Variants in SEZ6L2 observed in about 807,000 individuals in gnomAD.
The protein encoded by SEZ6L2 is seizure 6-like protein 2.
SEZ6L2 carries 44 observed loss-of-function variants against 97.0 expected under a neutral mutation model. The observed-to-expected ratio is 0.45, with a 90% confidence interval of 0.36 to 0.58. The LOEUF is 0.58. Among genes scored for constraint, SEZ6L2 ranks in the 20% least tolerant of loss-of-function variants. The probability of loss-of-function intolerance (pLI) is 0.00; values close to 1 mark genes in which losing one functional copy is unlikely to be tolerated. For missense variants in SEZ6L2, 1,086 were observed against 1,233.3 expected (o/e 0.88, Z 1.79); for synonymous variants, 543 against 546.1 (o/e 0.99, Z 0.08).
chr16:29,884,137 G>T (rs1474238630), intron 8 of SEZ6L2, among the ~76,000 whole-genome samples: 1 of 151,962 alleles, frequency 6.6e-6, no homozygotes, highest in African/African-American at 2.4e-5. Context: ...GGAAGGCCAC[G>T]TGAGGCAGAT....
chr16:29,878,298 G>C lies in SEZ6L2; in HGVS notation c.1701C>G (p.Leu567=). ...GGACCCAAACATACATCTCAACTTG[G>C]AGCAAGATGCGCTTCTCTTCCTGGA... ...VHVQEEKRIL[L]QVEILNVREG... The change falls in exon 10 of 18, where the codon CTC becomes CTG. Residue 567 remains leucine, a synonymous_variant. Transcript: ENST00000617533. The C allele has an allele frequency of 6.3e-7, 1 of 1,589,688 alleles. No individual in the cohort carries two copies. Among genetic ancestry groups the C allele is most frequent in the Non-Finnish European group, 8.6e-7 (1 of 1,166,588 alleles).
chr16:29,878,298 G>A lies in SEZ6L2; in HGVS notation c.1701C>T (p.Leu567=). The A allele has an allele frequency of 6.3e-7, 1 of 1,589,688 alleles. No homozygotes were observed. The highest frequency in any genetic ancestry group is 8.6e-7 in the Non-Finnish European group (1 of 1,166,588). ...VHVQEEKRIL[L]QVEILNVREG... ...GGACCCAAACATACATCTCAACTTG[G>A]AGCAAGATGCGCTTCTCTTCCTGGA... is the stretch of plus-strand genomic sequence containing the variant. Residue 567 remains leucine (L), a synonymous_variant, in exon 10 of 18, where the codon CTC becomes CTT. Transcript: ENST00000617533.
At position 29,871,222 on chromosome 16, in the gene SEZ6L2, C is replaced by A. The variant is rs73528395; in HGVS notation, c.*477G>T. The A allele has an allele frequency of 2.4e-4, 46 of 193,164 alleles. No homozygotes were observed. Among genetic ancestry groups the A allele is most frequent in the African/African-American group, 1.1e-3 (46 of 43,792 alleles). The allele number at this position is 193,164 out of a possible 1,614,324, so 12.0% of individuals were successfully genotyped here. ...GAATTCAGAAGCAAAGGTGGAGAGA[C>A]TGTGGGTTGGGGAGATGGCAGGAAG... On this transcript the variant is annotated 3_prime_UTR_variant, in exon 18 of 18. Transcript: ENST00000617533.
chr16:29,878,169 A>G (rs1427422605), intron 10 of SEZ6L2, 118 bp downstream of exon 10: 3 of 1,283,268 alleles, frequency 2.3e-6, no homozygotes, highest in African/African-American at 1.5e-5. Flanking sequence ...CAGCCTATCC[A>G]CCGAATTCTG....
intron 5 of SEZ6L2, among the ~76,000 whole-genome samples, chr16:29,893,930 G>A (rs543095065): frequency 1.7e-4 from 26 of 152,294 alleles, no homozygotes; most frequent in African/African-American, 6.3e-4. Context: ...GAGTACAATG[G>A]CGCAATCTCA....
Position 29,876,647 on chromosome 16 carries a change from G to A in SEZ6L2, c.2104+109C>T, listed in dbSNP as rs765960986. 2.9e-4 allele frequency: 295 copies of A among 1,022,118 alleles called. No homozygotes were observed. Among genetic ancestry groups the A allele is most frequent in the Non-Finnish European group, 3.8e-4 (276 of 720,856 alleles). 63.3% of individuals were successfully genotyped at this position (1,022,118 alleles called of 1,614,324 possible). On this transcript the variant is annotated intron_variant, in intron 12 of 17. Transcript: ENST00000617533. The surrounding 1 kb of genome is among the most constrained non-coding windows in gnomAD (Gnocchi z 6.5). Reference sequence around the variant, plus strand: ...TTGAAGAAGATCCAGGAAGGACCCCGAGCGAAGGGATGGAACCCAGAAAGC... The same window carrying A: ...TTGAAGAAGATCCAGGAAGGACCCCAAGCGAAGGGATGGAACCCAGAAAGC...
intron 5 of SEZ6L2, among the ~76,000 whole-genome samples, chr16:29,892,700 G>A (rs540881403): frequency 8.5e-5 from 13 of 152,372 alleles, no homozygotes; most frequent in African/African-American, 3.1e-4. Flanking sequence ...GGCAGAGTGC[G>A]TGACACCAGC....
intron 2 of SEZ6L2, 86 bp from the exon 3 acceptor site, chr16:29,897,207 T>G: frequency 8.4e-7 from 1 of 1,192,790 alleles, no homozygotes; most frequent in Non-Finnish European, 1.1e-6. Flanking sequence ...AGCTAGGGGT[T>G]CCCCTGCCAT....
At chr16:29,889,269 C>T (rs751107554) in intron 5 of SEZ6L2, among the ~76,000 whole-genome samples, 29 of 151,928 alleles carry the variant, frequency 1.9e-4, no homozygotes, top group Non-Finnish European at 3.2e-4. Flanking sequence ...GGTAAAACCC[C>T]GTCTCTAAAA....
At position 29,897,960 on chromosome 16, in the gene SEZ6L2, A is replaced by T; in HGVS notation, c.104T>A (p.Ile35Lys). ...GGTCTCACTTCCAGGCTCTGGCAAT[A>T]TCTCCTCCTCCTTCAGGGGCAGACC... The part of the protein sequence containing the change: ...IQGLPLKEEE[I>K]LPEPGSETPT... Residue 35 changes from isoleucine (I) to lysine (K), a missense_variant, in exon 2 of 18, where the codon ATA (isoleucine) becomes AAA (lysine). Coordinates refer to ENST00000617533, the MANE Select transcript of SEZ6L2 (RefSeq NM_001243332.2). 4 of 1,613,352 alleles carry T rather than the reference A, an allele frequency of 2.5e-6. No homozygotes were observed. Among genetic ancestry groups the T allele is most frequent in the Non-Finnish European group, 3.4e-6 (4 of 1,179,632 alleles).
At chr16:29,877,233 C>T (rs1268751928) in intron 11 of SEZ6L2, 38 bp downstream of exon 11, 10 of 1,504,148 alleles carry the variant, frequency 6.6e-6, no homozygotes, top group African/African-American at 1.4e-5. Flanking sequence ...TCTGGCCTGC[C>T]CGACCCCTGC....
Position 29,896,860 on chromosome 16 carries a change from AT to A in SEZ6L2, c.472del (p.Ile158SerfsTer10). On this transcript the variant is annotated frameshift_variant, in exon 3 of 18. Coordinates refer to ENST00000617533, the MANE Select transcript of SEZ6L2 (RefSeq NM_001243332.2). LOFTEE classifies it high-confidence loss of function. ...GGEEETTTTI[I>X]TTTTVTTTVT... ...CGTAGTGGTAACAGTTGTCGTGGTG[AT>A]GATGGTGGTCGTCGTCTCCTCCTCT... is the stretch of plus-strand genomic sequence containing the variant. The A allele has an allele frequency of 6.2e-7, 1 of 1,613,838 alleles. No individual in the cohort carries two copies. Among genetic ancestry groups the A allele is most frequent in the Non-Finnish European group, 8.5e-7 (1 of 1,179,918 alleles).
At position 29,895,835 on chromosome 16, in the gene SEZ6L2, C is replaced by T; in HGVS notation, c.537G>A (p.Glu179=). 1.2e-6 allele frequency: 2 copies of T among 1,613,416 alleles called. No individual in the cohort carries two copies. The highest frequency in any genetic ancestry group is 1.7e-6 in the Non-Finnish European group (2 of 1,179,760). ...CTGGAGACTCCACATACCCTTCGCC[C>T]TCGGAGATGTTGTTATTACACAGAA... ...SPVLCNNNIS[E]GEGYVESPDL... The change falls in exon 4 of 18, where the codon GAG becomes GAA. Residue 179 remains glutamate, a synonymous_variant. Transcript: ENST00000617533.
chr16:29,885,770 A>T, intron 7 of SEZ6L2, 21 bp from the exon 8 acceptor site: 1 of 1,584,600 alleles, frequency 6.3e-7, no homozygotes, highest in Non-Finnish European at 8.6e-7. Context: ...CAGAAACGTG[A>T]CCAGGAGCTC....
chr16:29,877,861 G>T (rs892559528), intron 10 of SEZ6L2, among the ~76,000 whole-genome samples: 2 of 152,108 alleles, frequency 1.3e-5, no homozygotes, highest in Non-Finnish European at 2.9e-5. Context: ...TTGAAGCCAC[G>T]CCCACTTCAG....
Position 29,877,401 on chromosome 16 carries a change from C to T in SEZ6L2, c.1779G>A (p.Leu593=). Residue 593 remains leucine (L), a synonymous_variant, in exon 11 of 18, where the codon TTG becomes TTA. Transcript: ENST00000617533. Reference sequence around the variant, plus strand: ...GCGGCTGAGGTCCCCGCAGCTGGGCCAAGACTCGGGCGCTGGGACCGTCCC... The same window carrying T: ...GCGGCTGAGGTCCCCGCAGCTGGGCTAAGACTCGGGCGCTGGGACCGTCCC... ...FDGDGPSARV[L]AQLRGPQPRR... The T allele has an allele frequency of 6.2e-7, 1 of 1,612,902 alleles. No homozygotes were observed. The highest frequency in any genetic ancestry group is 1.1e-5 in the South Asian group (1 of 90,982).
intron 6 of SEZ6L2, 129 bp downstream of exon 6, chr16:29,888,411 A>T: frequency 1.1e-6 from 1 of 895,204 alleles, no homozygotes; most frequent in Non-Finnish European, 1.7e-6. Context: ...CAGGATGGGG[A>T]CTCCTCAGGG....
chr16:29,888,661 C>T lies in SEZ6L2; in HGVS notation c.918G>A (p.Leu306=). 1 of 1,614,002 alleles carries T rather than the reference C, an allele frequency of 6.2e-7. No homozygotes were observed. The highest frequency in any genetic ancestry group is 8.5e-7 in the Non-Finnish European group (1 of 1,179,950). ...PAHGDVSVTD[L]HPGGTATFHC... ...GAAAGGTGGCAGTGCCCCCAGGGTG[C>T]AGGTCCGTCACACTCACGTCCCCAT... Residue 306 remains leucine (L), a synonymous_variant, in exon 6 of 18, where the codon CTG becomes CTA. Coordinates refer to ENST00000617533, the MANE Select transcript of SEZ6L2 (RefSeq NM_001243332.2).
At chr16:29,895,499 C>T (rs750728297) in intron 4 of SEZ6L2, 39 bp from the exon 5 acceptor site, 2 of 1,602,176 alleles carry the variant, frequency 1.2e-6, no homozygotes, top group Non-Finnish European at 1.7e-6. Context: ...GGCAAGTCAG[C>T]CAGGTGTTTG....
Sources: allele counts gnomAD v4.1 joint callset (sites outside exome capture counted in the v4.1 genomes callset), GRCh38; gene constraint gnomAD v4.1.1; non-coding constraint Gnocchi (gnomAD v3.1); transcripts MANE v1.5; gene names NCBI Gene and HGNC (gene_info 2026-07-23, HGNC 2026-07-21).